Variants in HMGB1 observed in about 807,000 individuals in gnomAD.
HMGB1 encodes the protein high mobility group box 1, also known as high mobility group protein B1.
For missense variants in HMGB1, 79 were observed against 253.5 expected (o/e 0.31, Z 4.67); for synonymous variants, 81 against 84.0 (o/e 0.96, Z 0.19).
At chr13:30,601,190 C>T (rs149503692) in intron 1 of HMGB1, among the ~76,000 whole-genome samples, 322 of 152,294 alleles carry the variant, frequency 2.1e-3, no homozygotes, top group African/African-American at 6.2e-3. Flanking sequence ...CACCGCTGCC[C>T]GCAAAACATT....
chr13:30,467,910 C>G (rs190587866), upstream of HMGB1, among the ~76,000 whole-genome samples: 58 of 152,330 alleles, frequency 3.8e-4, no homozygotes, highest in East Asian at 0.011. Flanking sequence ...CACAGGACAT[C>G]TTGAGAGCAA....
At chr13:30,509,888 T>C (rs1445086487) in intron 1 of HMGB1, among the ~76,000 whole-genome samples, 2 of 152,336 alleles carry the variant, frequency 1.3e-5, no homozygotes, top group East Asian at 3.9e-4. Context: ...CCAAGATCTC[T>C]GGAGGTTACC....
intron 1 of HMGB1, among the ~76,000 whole-genome samples, chr13:30,487,097 G>A (rs1887382155): frequency 6.6e-6 from 1 of 152,244 alleles, no homozygotes; most frequent in Non-Finnish European, 1.5e-5. Context: ...GAACAGCAGA[G>A]ATCAATGCAG....
chr13:30,600,030 T>C lies in HMGB1; in HGVS notation c.-15+16641A>G, dbSNP rs148980462. 2.0e-5 allele frequency among the ~76,000 whole-genome samples: 3 copies of C among 152,368 alleles called. No individual in the cohort carries two copies. The East Asian group carries it at 5.8e-4, about 29-fold the overall frequency. The stretch of plus-strand genomic sequence containing the variant: ...TATAGAAACCCAAATCTATAAATTA[T>C]ATACAAACTGTGGTAAGTTACTCGA... On this transcript the variant is annotated intron_variant, in intron 1 of 4. Transcript: ENST00000405805.
At chr13:30,598,069 C>T (rs1173116444) in intron 1 of HMGB1, among the ~76,000 whole-genome samples, 2 of 152,156 alleles carry the variant, frequency 1.3e-5, no homozygotes, top group African/African-American at 2.4e-5. Flanking sequence ...CCTTCAATTC[C>T]TTTCCATTAA....
intron 1 of HMGB1, among the ~76,000 whole-genome samples, chr13:30,490,559 C>T (rs1350305685): frequency 6.8e-6 from 1 of 148,146 alleles, no homozygotes; most frequent in African/African-American, 2.5e-5. Context: ...GCAGAGGTTG[C>T]AGTGAGCTGA....
rs200005675 is a variant in HMGB1 at position 30,549,282 on chromosome 13, G to GAATA, written c.-15+67385_-15+67388dup. On this transcript the variant is annotated intron_variant, in intron 1 of 4. Transcript: ENST00000405805. Reference sequence around the variant, plus strand: ...TAGGTGACAGAGTGAGATGCTGTCTGAATAAATAAATAAATACGAATGTCT... The same window carrying GAATA: ...TAGGTGACAGAGTGAGATGCTGTCTGAATAAATAAATAAATAAATACGAATGTCT... Among the ~76,000 whole-genome samples, 162 of 152,216 alleles carry GAATA rather than the reference G, an allele frequency of 1.1e-3. 2 individuals are homozygous for GAATA. The East Asian group carries it at 0.027, about 25-fold the overall frequency.
At chr13:30,604,952 C>G (rs1950441626) in intron 1 of HMGB1, among the ~76,000 whole-genome samples, 1 of 152,200 alleles carries the variant, frequency 6.6e-6, no homozygotes, top group African/African-American at 2.4e-5. Context: ...GCCACCGCGC[C>G]CGGCCTGAAT....
At chr13:30,461,779 A>G in intron 4 of HMGB1, 1 of 840,528 alleles carries the variant, frequency 1.2e-6, no homozygotes, top group Non-Finnish European at 1.8e-6. Context: ...GTTATGCCTC[A>G]TTGAGGTGCA....
intron 1 of HMGB1, among the ~76,000 whole-genome samples, chr13:30,527,172 C>T (rs953612513): frequency 6.6e-6 from 1 of 152,200 alleles, no homozygotes; most frequent in African/African-American, 2.4e-5. Flanking sequence ...GGCGAGAAAG[C>T]TGAGAAGGAG....
chr13:30,537,693 ATAT>A (rs1868518436), intron 1 of HMGB1, among the ~76,000 whole-genome samples: 1 of 129,508 alleles, frequency 7.7e-6, no homozygotes. Context: ...ATATATATAT[ATAT>A]AAAATTGATG....
intron 1 of HMGB1, among the ~76,000 whole-genome samples, chr13:30,536,928 G>A (rs938583239): frequency 4.6e-5 from 7 of 152,072 alleles, no homozygotes; most frequent in African/African-American, 1.4e-4. Flanking sequence ...CTCCAAGCCC[G>A]CAGCTCTACA....
intron 1 of HMGB1, among the ~76,000 whole-genome samples, chr13:30,552,034 A>G (rs1869451219): frequency 6.6e-6 from 1 of 152,080 alleles, no homozygotes; most frequent in Non-Finnish European, 1.5e-5. Flanking sequence ...GTCCTCAGGT[A>G]TTGGTGTCCC....
At chr13:30,599,376 G>A (rs1871759294) in intron 1 of HMGB1, among the ~76,000 whole-genome samples, 1 of 152,190 alleles carries the variant, frequency 6.6e-6, no homozygotes, top group Non-Finnish European at 1.5e-5. Flanking sequence ...ACTGAGGCAG[G>A]AGAATCGCTT....
In HMGB1 at chr13:30,460,315, C is replaced by T. The variant is rs1352099580; in HGVS notation, c.*1042G>A. On this transcript the variant is annotated 3_prime_UTR_variant, in exon 5 of 5. Transcript: ENST00000341423. ...TAAAAATACTTGTAATGGAAAGTCT[C>T]GTTTCCTGAGCAGTCCATATTTAGA... The T allele has an allele frequency of 5.3e-5, 8 of 150,860 alleles. No homozygotes were observed. In the South Asian group the frequency reaches 6.3e-4, roughly 12 times the overall value. 9.3% of individuals were successfully genotyped at this position (150,860 alleles called of 1,614,324 possible).
chr13:30,501,629 A>G (rs1329784241), intron 1 of HMGB1, among the ~76,000 whole-genome samples: 2 of 152,204 alleles, frequency 1.3e-5, no homozygotes, highest in African/African-American at 2.4e-5. Flanking sequence ...ATTGTTGTAA[A>G]TAATCATCAC....
chr13:30,527,938 T>A (rs1380501552), intron 1 of HMGB1, among the ~76,000 whole-genome samples: 2 of 152,196 alleles, frequency 1.3e-5, no homozygotes, highest in East Asian at 3.8e-4. Context: ...AAAATTGAAA[T>A]TTTAAAAAGG....
intron 1 of HMGB1, among the ~76,000 whole-genome samples, chr13:30,513,019 A>C (rs55738599): frequency 0.1 from 15,534 of 152,024 alleles, 1,204 homozygotes; most frequent in African/African-American, 0.2. Context: ...AAAAATTAGC[A>C]AGGCGTGATG....
At chr13:30,607,701 T>C (rs996661193) in intron 1 of HMGB1, among the ~76,000 whole-genome samples, 4 of 152,168 alleles carry the variant, frequency 2.6e-5, no homozygotes, top group African/African-American at 9.7e-5. Context: ...TTCTTGATCA[T>C]GCTATATAAA....
Sources: allele counts gnomAD v4.1 joint callset (sites outside exome capture counted in the v4.1 genomes callset), GRCh38; gene constraint gnomAD v4.1.1; transcripts MANE v1.5; gene names NCBI Gene and HGNC (gene_info 2026-07-23, HGNC 2026-07-21).